Variants in SCAPER observed in about 807,000 individuals in gnomAD.
SCAPER encodes the protein S-phase cyclin A associated protein in the ER.
In SCAPER, 98 loss-of-function variants were observed where a neutral mutation model predicts 182.2. The observed-to-expected ratio is 0.54, with a 90% CI of 0.46 to 0.64. The LOEUF (loss-of-function observed/expected upper bound fraction) is 0.64. Ranked by LOEUF, SCAPER falls within the 30% of genes least tolerant of loss-of-function variation. The pLI is 0.00. For synonymous variants in SCAPER, 605 were observed against 564.6 expected, an observed-to-expected ratio of 1.07 and a Z score of -1.01; for missense variants, 1,432 against 1,690.0, an observed-to-expected ratio of 0.85 and a Z score of 2.68.
At chr15:76,353,912 C>G in intron 30 of SCAPER, 37 bp downstream of exon 30, 2 of 1,463,878 alleles carry the variant, frequency 1.4e-6, no homozygotes, top group Non-Finnish European at 1.8e-6. Flanking sequence ...TTAGTTTACA[C>G]ACAAAGCTAG....
At chr15:76,878,103 G>A (rs1014387388) in intron 2 of SCAPER, among the ~76,000 whole-genome samples, 13 of 152,034 alleles carry the variant, frequency 8.6e-5, no homozygotes, top group Non-Finnish European at 1.8e-4. Context: ...TTACAGACAC[G>A]TGTTTCATAC....
At chr15:76,668,850 A>AATAATAGT (rs1213400690) in intron 20 of SCAPER, among the ~76,000 whole-genome samples, 2 of 152,192 alleles carry the variant, frequency 1.3e-5, no homozygotes, top group African/African-American at 4.8e-5. Flanking sequence ...AATAACAACT[A>AATAATAGT]ATAATAGTAT....
intron 24 of SCAPER, among the ~76,000 whole-genome samples, chr15:76,503,741 G>A (rs1371842915): frequency 6.6e-6 from 1 of 152,058 alleles, no homozygotes; most frequent in Non-Finnish European, 1.5e-5. Flanking sequence ...TAGTAGCCTG[G>A]CAGAGGTAAA....
At chr15:76,613,398 C>A (rs2051172308) in intron 22 of SCAPER, among the ~76,000 whole-genome samples, 1 of 152,150 alleles carries the variant, frequency 6.6e-6, no homozygotes, top group Non-Finnish European at 1.5e-5. Flanking sequence ...AAAGCACTTG[C>A]AACAAAAGCA....
At chr15:76,460,675 A>T (rs1164688719) in intron 25 of SCAPER, among the ~76,000 whole-genome samples, 1 of 152,036 alleles carries the variant, frequency 6.6e-6, no homozygotes, top group African/African-American at 2.4e-5. Flanking sequence ...ATACTGTCTC[A>T]TAAGTCTCTA....
chr15:76,625,123 C>T (rs1297391245), intron 21 of SCAPER, among the ~76,000 whole-genome samples: 2 of 152,066 alleles, frequency 1.3e-5, no homozygotes, highest in African/African-American at 4.8e-5. Context: ...CCCTGGGCAA[C>T]ATGCTTGGTT....
chr15:76,689,437 A>G (rs2058223560), intron 20 of SCAPER, among the ~76,000 whole-genome samples: 1 of 152,114 alleles, frequency 6.6e-6, no homozygotes, highest in Non-Finnish European at 1.5e-5. Context: ...GCTACTTACT[A>G]TGTGTATATT....
chr15:76,461,330 CTTTTT>C (rs58709477), intron 25 of SCAPER, among the ~76,000 whole-genome samples: 1 of 143,270 alleles, frequency 7.0e-6, no homozygotes, highest in Non-Finnish European at 1.5e-5. Context: ...TATTACCCAA[CTTTTT>C]TTTTTTTTTT....
chr15:76,624,430 A>G (rs1399619546), intron 21 of SCAPER, among the ~76,000 whole-genome samples: 1 of 152,234 alleles, frequency 6.6e-6, no homozygotes, highest in African/African-American at 2.4e-5. Context: ...AACATTCCAT[A>G]GGGGCTCATG....
chr15:76,787,843 T>TA (rs938067988), intron 8 of SCAPER, among the ~76,000 whole-genome samples: 90 of 151,386 alleles, frequency 5.9e-4, no homozygotes, highest in African/African-American at 1.9e-3. Flanking sequence ...TATGATCTAT[T>TA]AAAAAAAAAC....
intron 15 of SCAPER, among the ~76,000 whole-genome samples, chr15:76,751,047 C>G (rs2062057288): frequency 6.6e-6 from 1 of 151,586 alleles, no homozygotes; most frequent in African/African-American, 2.4e-5. Flanking sequence ...AAGCAGGATA[C>G]AAAGTCAACA....
At chr15:76,421,001 T>A (rs1237878456) in intron 26 of SCAPER, among the ~76,000 whole-genome samples, 1 of 152,246 alleles carries the variant, frequency 6.6e-6, no homozygotes, top group Non-Finnish European at 1.5e-5. Flanking sequence ...GTGCCACATT[T>A]TCTTAATCCA....
chr15:76,790,098 G>A (rs2064895892), intron 8 of SCAPER, among the ~76,000 whole-genome samples: 1 of 152,060 alleles, frequency 6.6e-6, no homozygotes, highest in African/African-American at 2.4e-5. Context: ...AGGCGTGGTG[G>A]CGGGCGCCTG....
chr15:76,789,612 TA>T (rs1371195050), intron 8 of SCAPER, among the ~76,000 whole-genome samples: 1 of 152,176 alleles, frequency 6.6e-6, no homozygotes, highest in African/African-American at 2.4e-5. Context: ...ATATTTTTAA[TA>T]AACCTTCAGT....
At chr15:76,795,259 G>C in intron 8 of SCAPER, 21 bp downstream of exon 8, 1 of 1,599,622 alleles carries the variant, frequency 6.3e-7, no homozygotes, top group Non-Finnish European at 8.5e-7. Context: ...TACACAAAAT[G>C]GCTAATTCGA....
intron 8 of SCAPER, among the ~76,000 whole-genome samples, chr15:76,792,981 T>C (rs983112277): frequency 6.6e-6 from 1 of 152,226 alleles, no homozygotes; most frequent in African/African-American, 2.4e-5. Context: ...TCACTCCGTA[T>C]GTTTGTCAGT....
chr15:76,507,271 C>G (rs1164392141), intron 23 of SCAPER, among the ~76,000 whole-genome samples: 1 of 152,228 alleles, frequency 6.6e-6, no homozygotes, highest in East Asian at 1.9e-4. Flanking sequence ...GAGGACACAG[C>G]AAGTGGTGGC....
At position 76,466,416 on chromosome 15, in the gene SCAPER, C is replaced by CT. The variant is rs1268592485; in HGVS notation, c.3078+4795dup. ...TCTTCAGTTCCAAAATTGGTTGGTT[C>CT]TTCTTTTTTTTTTTTTTTTTTTTTT... On this transcript the variant is annotated intron_variant, in intron 25 of 31. Transcript: ENST00000563290. Among the ~76,000 whole-genome samples, 311 of 36,646 alleles carry CT rather than the reference C, an allele frequency of 8.5e-3. 7 individuals carry two copies. Among genetic ancestry groups the CT allele is most frequent in the East Asian group, 0.031 (34 of 1,112 alleles). 24.0% of individuals were successfully genotyped at this position (36,646 alleles called of 152,430 possible).
intron 21 of SCAPER, among the ~76,000 whole-genome samples, chr15:76,663,250 GAACTA>G (rs1014133887): frequency 7.9e-5 from 12 of 152,050 alleles, no homozygotes; most frequent in Non-Finnish European, 1.5e-5. Flanking sequence ...ATTCCCACTA[GAACTA>G]AACTAAAATT....
Sources: gnomAD v4.1 joint callset for allele counts (sites outside exome capture counted in the v4.1 genomes callset) on GRCh38, gnomAD v4.1.1 for gene constraint, MANE v1.5 for transcripts, NCBI Gene and HGNC (gene_info 2026-07-23, HGNC 2026-07-21) for gene names.